Variants in ZNF529 observed in about 807,000 individuals in gnomAD.
ZNF529 encodes zinc finger protein 529.
ZNF529 carries 11 observed loss-of-function variants against 10.1 expected under a neutral mutation model. That is an observed-to-expected ratio of 1.09 (90% CI 0.69 to 1.81). The LOEUF is 1.81. Ranked by LOEUF, ZNF529 falls within the 40% of genes most tolerant of loss-of-function variation. The pLI, the probability that ZNF529 is intolerant of heterozygous loss-of-function variation, is 0.00. For synonymous variants in ZNF529, 204 were observed against 215.7 expected, an observed-to-expected ratio of 0.95 and a Z score of 0.47; for missense variants, 624 against 666.8, an observed-to-expected ratio of 0.94 and a Z score of 0.71.
rs775597440 is a variant in ZNF529, at chr19:36,547,792, A to G, written c.766T>C (p.Cys256Arg). 1.9e-6 allele frequency: 3 copies of G among 1,611,288 alleles called. No individual in the cohort carries two copies. Among genetic ancestry groups the G allele is most frequent in the African/African-American group, 1.3e-5 (1 of 74,736 alleles). Reference protein sequence around the residue: ...QKIHNEKFYKCKEYRRTFERV... With the variant: ...QKIHNEKFYKRKEYRRTFERV... ...TCAAAGGTCCTTCTGTATTCCTTACATTTATAGAACTTCTCATTATGAATT... is the reference window on the plus strand; with the variant it reads ...TCAAAGGTCCTTCTGTATTCCTTACGTTTATAGAACTTCTCATTATGAATT... Residue 256 changes from cysteine to arginine, a missense_variant, in exon 5 of 5, where the codon TGT (cysteine) becomes CGT (arginine). Physicochemically the swap from Cys to Arg is radical, Grantham distance 180 (BLOSUM62 -3). Coordinates refer to ENST00000591340, the MANE Select transcript of ZNF529 (RefSeq NM_020951.5).
At chr19:36,582,445 C>A (rs1399511779) in intron 2 of ZNF529, 1 of 151,944 alleles carries the variant, frequency 6.6e-6, no homozygotes, top group East Asian at 1.9e-4. Context: ...GTGGCTCACG[C>A]CTGTAATCCC....
intron 1 of ZNF529, among the ~76,000 whole-genome samples, chr19:36,596,301 T>C (rs1413700103): frequency 6.6e-6 from 1 of 151,944 alleles, no homozygotes; most frequent in Non-Finnish European, 1.5e-5. Context: ...CTCGAACTCC[T>C]GACCTCGTGA....
At chr19:36,593,044 AT>A (rs2036760617) in intron 1 of ZNF529, among the ~76,000 whole-genome samples, 2 of 152,248 alleles carry the variant, frequency 1.3e-5, no homozygotes, top group Non-Finnish European at 2.9e-5. Flanking sequence ...AACAATGCCT[AT>A]CTATGACTAC....
intron 1 of ZNF529, among the ~76,000 whole-genome samples, chr19:36,602,116 C>T (rs1180849062): frequency 2.0e-5 from 3 of 150,496 alleles, no homozygotes; most frequent in Non-Finnish European, 2.9e-5. Flanking sequence ...GGCGCGATCT[C>T]GGCTCACTGC....
At chr19:36,588,493 T>C (rs1267735470) in intron 2 of ZNF529, among the ~76,000 whole-genome samples, 1 of 152,128 alleles carries the variant, frequency 6.6e-6, no homozygotes, top group African/African-American at 2.4e-5. Flanking sequence ...AAGAGAGTTG[T>C]CATTCACTTG....
rs766709131 is a variant in ZNF529, at chr19:36,547,407, T to G, written c.1151A>C (p.His384Pro). 6.2e-7 allele frequency: 1 copy of G among 1,614,002 alleles called. No homozygotes were observed. Among genetic ancestry groups the G allele is most frequent in the Non-Finnish European group, 8.5e-7 (1 of 1,179,922 alleles). Reference protein sequence around the residue: ...AFGVCRELARHQRIHTGKKPY... With the variant: ...AFGVCRELARPQRIHTGKKPY... ...TTTCTTACCAGTATGAATTCTCTGATGACGAGCAAGTTCTCTACATACTCC... is the reference window on the plus strand; with the variant it reads ...TTTCTTACCAGTATGAATTCTCTGAGGACGAGCAAGTTCTCTACATACTCC... Residue 384 changes from histidine to proline, a missense_variant, in exon 5 of 5, where the codon CAT becomes CCT. By Grantham distance (77) the His-to-Pro change is moderately conservative. Transcript: ENST00000591340.
At chr19:36,555,917 A>G (rs1181463466) in intron 3 of ZNF529, among the ~76,000 whole-genome samples, 187 bp downstream of exon 3, 5 of 152,182 alleles carry the variant, frequency 3.3e-5, no homozygotes, top group African/African-American at 1.2e-4. Context: ...AGGACTGAAC[A>G]CATAGGAGTG....
At chr19:36,559,773 A>AG (rs1352427601) in intron 2 of ZNF529, among the ~76,000 whole-genome samples, 2 of 152,160 alleles carry the variant, frequency 1.3e-5, no homozygotes, top group African/African-American at 2.4e-5. Context: ...AGTAAAACAG[A>AG]GGGGGGTGGT....
upstream of ZNF529, chr19:36,605,463 G>GGA (rs2037010160): frequency 6.6e-6 from 1 of 152,608 alleles, no homozygotes; most frequent in Non-Finnish European, 1.5e-5. Context: ...AAGAGTCCGA[G>GGA]CCGGGCCTGG....
intron 1 of ZNF529, among the ~76,000 whole-genome samples, chr19:36,593,324 C>T (rs571507583): frequency 3.0e-4 from 45 of 152,206 alleles, no homozygotes; most frequent in Middle Eastern, 3.4e-3. Flanking sequence ...TACAGGCATG[C>T]GCCACCTCAC....
chr19:36,585,915 G>A (rs17206421), intron 2 of ZNF529, among the ~76,000 whole-genome samples: 3,258 of 152,238 alleles, frequency 0.021, 47 homozygotes, highest in Middle Eastern at 0.058. Context: ...TAACATTTAC[G>A]CTTACATCTG....
intron 1 of ZNF529, chr19:36,594,161 C>T (rs1029621055): frequency 6.6e-6 from 1 of 152,216 alleles, no homozygotes. Flanking sequence ...TCTAGGGTTG[C>T]AAAGGGATGA....
intron 4 of ZNF529, among the ~76,000 whole-genome samples, chr19:36,551,551 A>G (rs2035258592): frequency 6.6e-6 from 1 of 152,178 alleles, no homozygotes; most frequent in Non-Finnish European, 1.5e-5. Flanking sequence ...TGAGGTGGCT[A>G]CTTACTTACA....
At chr19:36,552,278 A>C (rs1031089651) in intron 4 of ZNF529, among the ~76,000 whole-genome samples, 8 of 152,028 alleles carry the variant, frequency 5.3e-5, no homozygotes, top group African/African-American at 1.7e-4. Flanking sequence ...AAAATACAAA[A>C]AATTAGCCGG....
At chr19:36,570,685 A>C (rs1220495194) in intron 2 of ZNF529, among the ~76,000 whole-genome samples, 3 of 152,258 alleles carry the variant, frequency 2.0e-5, no homozygotes, top group Admixed American at 2.0e-4. Flanking sequence ...AACCTAAGAC[A>C]GTCAAATTGC....
chr19:36,599,628 G>C (rs1395413283), intron 1 of ZNF529, among the ~76,000 whole-genome samples: 1 of 152,098 alleles, frequency 6.6e-6, no homozygotes, highest in Non-Finnish European at 1.5e-5. Context: ...AAAACTATGA[G>C]TACTTACAAC....
Position 36,548,126 on chromosome 19 carries a change from G to C in ZNF529, c.432C>G (p.Ile144Met). The change falls in exon 5 of 5, where the codon ATC becomes ATG. Residue 144 changes from isoleucine to methionine, a missense_variant. Coordinates refer to ENST00000591340, the MANE Select transcript of ZNF529 (RefSeq NM_020951.5). The stretch of plus-strand genomic sequence containing the variant: ...TGTAACTGGGCACATTTTCAGAGAT[G>C]ATTTTCATTTGACTGAAATATCCCA... ...PEVGYFSQMK[I>M]ISENVPSYKT... The C allele has an allele frequency of 8.7e-6, 14 of 1,613,848 alleles. No homozygotes were observed. The highest frequency in any genetic ancestry group is 1.2e-5 in the Non-Finnish European group (14 of 1,179,848).
chr19:36,548,381 A>G (rs1429489226), intron 4 of ZNF529, 59 bp from the exon 5 acceptor site: 1 of 1,429,518 alleles, frequency 7.0e-7, no homozygotes, highest in African/African-American at 1.4e-5. Context: ...TTATAGAAAG[A>G]AGAGACAATT....
chr19:36,560,036 A>G (rs1393554872), intron 2 of ZNF529, among the ~76,000 whole-genome samples: 1 of 152,066 alleles, frequency 6.6e-6, no homozygotes, highest in East Asian at 1.9e-4. Flanking sequence ...AGGCGGGAGG[A>G]TCCCCTGAGG....
Sources: gnomAD v4.1 joint callset for allele counts (sites outside exome capture counted in the v4.1 genomes callset) on GRCh38, gnomAD v4.1.1 for gene constraint, MANE v1.5 for transcripts, NCBI Gene and HGNC (gene_info 2026-07-23, HGNC 2026-07-21) for gene names.